RNF38: variants seen among roughly 807,000 people sequenced by gnomAD.
The protein encoded by RNF38 is ring finger protein 38.
Under a neutral mutation model 67.2 loss-of-function variants are expected in RNF38, and 15 were observed. The ratio of observed to expected loss-of-function variants is 0.22; its 90% CI spans 0.15 to 0.34. The LOEUF (loss-of-function observed/expected upper bound fraction) is 0.34. Among genes scored for constraint, RNF38 ranks in the 10% least tolerant of loss-of-function variants. The pLI, the probability that RNF38 is intolerant of heterozygous loss-of-function variation, is 1.00. For synonymous variants in RNF38, 220 were observed against 218.8 expected, an observed-to-expected ratio of 1.01 and a Z score of -0.05; for missense variants, 524 against 639.9, an observed-to-expected ratio of 0.82 and a Z score of 1.95.
In RNF38 at chr9:36,337,722, C is replaced by A. The variant is rs1832554554; in HGVS notation, c.*2030G>T. ...TGATTATTATGCCAAGAATTTTGGT[C>A]TTTAACACACTTTTTATTCATCAGG... On this transcript the variant is annotated 3_prime_UTR_variant, in exon 12 of 12. Coordinates refer to ENST00000259605, the MANE Select transcript of RNF38 (RefSeq NM_022781.5). 6.6e-6 allele frequency: 1 copy of A among 152,438 alleles called. No homozygotes were observed. Among genetic ancestry groups the A allele is most frequent in the East Asian group, 1.9e-4 (1 of 5,202 alleles). The allele number at this position is 152,438 out of a possible 1,614,324, so 9.4% of individuals were successfully genotyped here.
At chr9:36,358,253 A>G (rs1165960942) in intron 4 of RNF38, among the ~76,000 whole-genome samples, 1 of 152,226 alleles carries the variant, frequency 6.6e-6, no homozygotes, top group African/African-American at 2.4e-5. Context: ...AAAGAACTGG[A>G]ATCATTAAAG....
intron 1 of RNF38, among the ~76,000 whole-genome samples, chr9:36,391,415 G>A (rs938801425): frequency 6.6e-6 from 1 of 151,858 alleles, no homozygotes; most frequent in African/African-American, 2.4e-5. Flanking sequence ...AACATAATGT[G>A]TTCCACTGTG....
chr9:36,353,775 G>A (rs776695604), intron 6 of RNF38, among the ~76,000 whole-genome samples: 10 of 152,214 alleles, frequency 6.6e-5, no homozygotes, highest in Admixed American at 1.3e-4. Context: ...ATATGGTACA[G>A]AGGCATTATG....
chr9:36,375,900 A>C (rs369078572), intron 3 of RNF38, 34 bp downstream of exon 3: 30 of 1,560,780 alleles, frequency 1.9e-5, no homozygotes, highest in Non-Finnish European at 2.5e-5. Context: ...TACCAATGGA[A>C]GAAAACTTAA....
chr9:36,476,730 G>T lies in RNF38; in HGVS notation n.241+10578C>A, dbSNP rs10972921. ...TTTAGTAGAAACCGGATTTCACCATGTTGGCCAGGCTGGTCTCGAACTCCT... is the reference window on the plus strand; with the variant it reads ...TTTAGTAGAAACCGGATTTCACCATTTTGGCCAGGCTGGTCTCGAACTCCT... On this transcript the variant is annotated intron_variant and non_coding_transcript_variant, in intron 1 of 3. Coordinates refer to the RNF38 transcript ENST00000488058. 2.0e-5 allele frequency among the ~76,000 whole-genome samples: 3 copies of T among 151,456 alleles called. No homozygotes were observed. The South Asian group carries it at 6.3e-4, about 32-fold the overall frequency.
intron 1 of RNF38, among the ~76,000 whole-genome samples, chr9:36,437,383 A>AT (rs375774125): frequency 8.1e-4 from 123 of 152,350 alleles, no homozygotes; most frequent in African/African-American, 2.8e-3. Flanking sequence ...TTGGTCAGTT[A>AT]TAGTTACTGG....
At chr9:36,453,752 T>C (rs954849154) in intron 1 of RNF38, among the ~76,000 whole-genome samples, 2 of 152,204 alleles carry the variant, frequency 1.3e-5, no homozygotes, top group Middle Eastern at 3.2e-3. Context: ...GGTCTCGAAC[T>C]CCTACTTTCA....
At chr9:36,353,060 G>A (rs1001532483) in intron 7 of RNF38, 110 bp downstream of exon 7, 6 of 1,001,558 alleles carry the variant, frequency 6.0e-6, no homozygotes, top group Non-Finnish European at 9.1e-6. Context: ...CCAACTGAAT[G>A]CTGTCGAGAA....
At chr9:36,414,765 C>A (rs913042973) in intron 2 of RNF38, among the ~76,000 whole-genome samples, 3 of 151,120 alleles carry the variant, frequency 2.0e-5, no homozygotes, top group African/African-American at 7.3e-5. Flanking sequence ...CGAATTCTCT[C>A]AGCATTTGTT....
chr9:36,436,378 G>A (rs1355627676), intron 1 of RNF38, among the ~76,000 whole-genome samples: 1 of 152,132 alleles, frequency 6.6e-6, no homozygotes, highest in African/African-American at 2.4e-5. Flanking sequence ...TAGCCATTCA[G>A]CTCCTTTTCT....
At chr9:36,416,742 ATT>A (rs386414907) in intron 2 of RNF38, among the ~76,000 whole-genome samples, 27 of 63,484 alleles carry the variant, frequency 4.3e-4, no homozygotes, top group Middle Eastern at 0.012. Context: ...CTGCCTCGAT[ATT>A]TTTTTTTTTT....
intron 2 of RNF38, among the ~76,000 whole-genome samples, chr9:36,406,394 G>A (rs989148909): frequency 6.6e-6 from 1 of 152,204 alleles, no homozygotes; most frequent in African/African-American, 2.4e-5. Context: ...AACACTGTCA[G>A]TACTGTTCTG....
chr9:36,433,450 A>G (rs1181875862), intron 1 of RNF38, among the ~76,000 whole-genome samples: 1 of 151,952 alleles, frequency 6.6e-6, no homozygotes, highest in Non-Finnish European at 1.5e-5. Context: ...TTTAAAAAAG[A>G]AAACATAGGG....
intron 2 of RNF38, among the ~76,000 whole-genome samples, chr9:36,423,046 G>A (rs928939417): frequency 6.6e-6 from 1 of 152,122 alleles, no homozygotes. Flanking sequence ...TCATAATTAT[G>A]AAGCACAATC....
chr9:36,436,464 T>C (rs1198194362), intron 1 of RNF38, among the ~76,000 whole-genome samples: 1 of 152,208 alleles, frequency 6.6e-6, no homozygotes, highest in Non-Finnish European at 1.5e-5. Context: ...ATTAGATTCA[T>C]TTATACCAAT....
chr9:36,427,705 A>AT (rs1255361846), intron 1 of RNF38, among the ~76,000 whole-genome samples: 87 of 143,370 alleles, frequency 6.1e-4, no homozygotes, highest in African/African-American at 2.3e-3. Flanking sequence ...CTATCTATCT[A>AT]CCTACCTATC....
At chr9:36,409,055 T>A (rs2134189883) in intron 2 of RNF38, among the ~76,000 whole-genome samples, 1 of 152,154 alleles carries the variant, frequency 6.6e-6, no homozygotes, top group East Asian at 1.9e-4. Context: ...AGTGTGGTGG[T>A]GAATGCTGGT....
At chr9:36,486,631 G>A (rs1840418121) in intron 1 of RNF38, among the ~76,000 whole-genome samples, 1 of 152,106 alleles carries the variant, frequency 6.6e-6, no homozygotes, top group Non-Finnish European at 1.5e-5. Flanking sequence ...AAGGTGGCCT[G>A]GCAGAGACCA....
At chr9:36,381,814 T>C (rs542847177) in intron 2 of RNF38, among the ~76,000 whole-genome samples, 32 of 152,344 alleles carry the variant, frequency 2.1e-4, no homozygotes, top group African/African-American at 7.5e-4. Context: ...AATTCGACTG[T>C]AGTGGGTACA....
Sources: gnomAD v4.1 joint callset for allele counts (sites outside exome capture counted in the v4.1 genomes callset) on GRCh38, gnomAD v4.1.1 for gene constraint, MANE v1.5 for transcripts, NCBI Gene and HGNC (gene_info 2026-07-23, HGNC 2026-07-21) for gene names.